MYO10: variants seen among roughly 807,000 people sequenced by gnomAD.
The protein encoded by MYO10 is unconventional myosin-X.
Under a neutral mutation model 257.3 loss-of-function variants are expected in MYO10, and 133 were observed. That is an observed-to-expected ratio of 0.52 (90% CI 0.45 to 0.60). The LOEUF (loss-of-function observed/expected upper bound fraction) is 0.60. MYO10 is among the 20% of genes least tolerant of loss of function. The probability of loss-of-function intolerance (pLI) is 0.00; values close to 1 mark genes in which losing one functional copy is unlikely to be tolerated. For synonymous variants in MYO10, 1,104 were observed against 1,028.6 expected, an observed-to-expected ratio of 1.07 and a Z score of -1.40; for missense variants, 2,399 against 2,635.7, an observed-to-expected ratio of 0.91 and a Z score of 1.97.
At chr5:16,709,545 A>T (rs553815401) in intron 21 of MYO10, among the ~76,000 whole-genome samples, 4 of 152,252 alleles carry the variant, frequency 2.6e-5, no homozygotes, top group African/African-American at 9.6e-5. Flanking sequence ...CCAGCCAACA[A>T]CTAGAAAGAA....
At chr5:16,797,471 T>C (rs979101759) in intron 3 of MYO10, among the ~76,000 whole-genome samples, 6 of 152,106 alleles carry the variant, frequency 3.9e-5, no homozygotes, top group African/African-American at 1.4e-4. Flanking sequence ...GCGATTCCAC[T>C]CCTAGATACA....
intron 19 of MYO10, among the ~76,000 whole-genome samples, chr5:16,718,306 C>A (rs1488558907): frequency 1.3e-5 from 2 of 152,162 alleles, no homozygotes; most frequent in Non-Finnish European, 2.9e-5. Flanking sequence ...GGCGCCCAGT[C>A]CCATCGACCA....
chr5:16,831,810 A>G (rs1743170229), intron 2 of MYO10, among the ~76,000 whole-genome samples: 1 of 152,298 alleles, frequency 6.6e-6, no homozygotes, highest in Non-Finnish European at 1.5e-5. Context: ...AAATCTCTCT[A>G]ATCACCACTA....
At chr5:16,867,045 C>T (rs1052409266) in intron 2 of MYO10, among the ~76,000 whole-genome samples, 1 of 152,254 alleles carries the variant, frequency 6.6e-6, no homozygotes, top group Non-Finnish European at 1.5e-5. Flanking sequence ...TGGGACCGTG[C>T]TCCTGCGCAC....
At chr5:16,752,343 C>T (rs867317387) in intron 19 of MYO10, among the ~76,000 whole-genome samples, 3 of 152,064 alleles carry the variant, frequency 2.0e-5, no homozygotes, top group African/African-American at 7.2e-5. Context: ...AGTGCAGTGG[C>T]GTGATCTCGG....
intron 2 of MYO10, chr5:16,853,875 C>G (rs1377740950): frequency 3.3e-5 from 5 of 152,256 alleles, no homozygotes; most frequent in Non-Finnish European, 5.9e-5. Context: ...TCCCTGAGCT[C>G]CTGTCACAGA....
At chr5:16,916,203 T>C (rs1313213671) in intron 1 of MYO10, 4 of 450,298 alleles carry the variant, frequency 8.9e-6, no homozygotes, top group Non-Finnish European at 1.8e-5. Context: ...CAGCTAATGC[T>C]CAGCAAATTA....
At chr5:16,867,170 G>T (rs1362583438) in intron 2 of MYO10, among the ~76,000 whole-genome samples, 1 of 152,174 alleles carries the variant, frequency 6.6e-6, no homozygotes, top group Non-Finnish European at 1.5e-5. Flanking sequence ...TTTTTCCCTT[G>T]GCTCAGATGT....
chr5:16,821,929 A>G (rs1190363612), intron 2 of MYO10, among the ~76,000 whole-genome samples: 1 of 152,080 alleles, frequency 6.6e-6, no homozygotes, highest in Non-Finnish European at 1.5e-5. Flanking sequence ...GGGGAAAAAA[A>G]AAAGCATTAT....
At position 16,842,877 on chromosome 5, in the gene MYO10, C is replaced by A. The variant is rs147430836; in HGVS notation, c.121-24710G>T. On this transcript the variant is annotated intron_variant, in intron 2 of 40. Coordinates refer to ENST00000513610, the MANE Select transcript of MYO10 (RefSeq NM_012334.3). ...CCACTGCACTCCAGCCTGGATGACG[C>A]AGTGAGACCCCGTCTCTACTAAAAA... Among the ~76,000 whole-genome samples the A allele has an allele frequency of 6.7e-4, 98 of 146,852 alleles. 1 individual carries two copies. Among genetic ancestry groups the A allele is most frequent in the African/African-American group, 2.1e-3 (84 of 39,508 alleles).
chr5:16,871,697 C>T (rs565048170), intron 2 of MYO10, among the ~76,000 whole-genome samples: 6 of 152,180 alleles, frequency 3.9e-5, no homozygotes, highest in South Asian at 2.1e-4. Flanking sequence ...TAATGCTTGG[C>T]GACGATTCCT....
intron 9 of MYO10, among the ~76,000 whole-genome samples, chr5:16,773,685 T>G (rs1340495656): frequency 1.5e-5 from 2 of 136,196 alleles, no homozygotes; most frequent in East Asian, 4.3e-4. Context: ...AAAAGTGAAA[T>G]AAGTAGTAGA....
intron 2 of MYO10, among the ~76,000 whole-genome samples, chr5:16,876,413 G>C (rs1361447651): frequency 6.6e-6 from 1 of 152,078 alleles, no homozygotes; most frequent in Non-Finnish European, 1.5e-5. Context: ...CTATAAACAG[G>C]AGAAACTTCT....
At chr5:16,925,762 G>C (rs1746114515) in intron 1 of MYO10, among the ~76,000 whole-genome samples, 1 of 152,126 alleles carries the variant, frequency 6.6e-6, no homozygotes, top group Admixed American at 6.6e-5. Context: ...AAGAACCTCA[G>C]AAATACCTGA....
At chr5:16,869,176 C>T (rs1744376172) in intron 2 of MYO10, among the ~76,000 whole-genome samples, 1 of 150,752 alleles carries the variant, frequency 6.6e-6, no homozygotes, top group Non-Finnish European at 1.5e-5. Flanking sequence ...AGGCACCCAC[C>T]ACCACACCCG....
chr5:16,814,122 A>C (rs1450510140), intron 3 of MYO10, among the ~76,000 whole-genome samples: 1 of 152,124 alleles, frequency 6.6e-6, no homozygotes, highest in African/African-American at 2.4e-5. Context: ...GGGACTTTCA[A>C]CCTACAGAAC....
intron 38 of MYO10, among the ~76,000 whole-genome samples, chr5:16,671,191 C>T (rs985584548): frequency 6.6e-6 from 1 of 152,170 alleles, no homozygotes; most frequent in Non-Finnish European, 1.5e-5. Flanking sequence ...ATATTTTATT[C>T]CTTGTGCTCT....
intron 1 of MYO10, among the ~76,000 whole-genome samples, chr5:16,897,365 T>A (rs1411586437): frequency 6.7e-6 from 1 of 148,402 alleles, no homozygotes; most frequent in African/African-American, 2.5e-5. Flanking sequence ...CCACCACAGA[T>A]ACTCCAATAA....
intron 1 of MYO10, among the ~76,000 whole-genome samples, chr5:16,885,502 T>C (rs1463340341): frequency 6.6e-6 from 1 of 151,884 alleles, no homozygotes; most frequent in East Asian, 1.9e-4. Flanking sequence ...TGAAACTCCG[T>C]CTCTACTAAA....
Sources: allele counts gnomAD v4.1 joint callset (sites outside exome capture counted in the v4.1 genomes callset), GRCh38; gene constraint gnomAD v4.1.1; transcripts MANE v1.5; gene names NCBI Gene and HGNC (gene_info 2026-07-23, HGNC 2026-07-21).